LGR5: variants seen among roughly 807,000 people sequenced by gnomAD.
LGR5 encodes the protein leucine rich repeat containing G protein-coupled receptor 5, also known as leucine-rich repeat-containing G protein-coupled receptor 5.
LGR5 carries 54 observed loss-of-function variants against 76.7 expected under a neutral mutation model. The observed-to-expected ratio is 0.70, with a 90% CI of 0.57 to 0.88. LGR5 has a LOEUF of 0.88. LGR5 is among the 40% of genes least tolerant of loss of function. The pLI, the probability that LGR5 is intolerant of heterozygous loss-of-function variation, is 0.00. For synonymous variants in LGR5, 406 were observed against 421.9 expected (o/e 0.96, Z 0.46); for missense variants, 1,078 against 1,073.3 (o/e 1.00, Z -0.06).
intron 4 of LGR5, among the ~76,000 whole-genome samples, chr12:71,540,410 C>T (rs1053623794): frequency 2.6e-5 from 4 of 152,256 alleles, no homozygotes; most frequent in Admixed American, 6.5e-5. Context: ...TTATTATTGT[C>T]TCTATTCTCC....
rs749628288 is a variant in LGR5, at chr12:71,524,388, C to T, written c.285-18C>T. On this transcript the variant is annotated intron_variant, in intron 2 of 17. Transcript: ENST00000266674. ...AAGAGGTATGCTCACTCTCTCTCCT[C>T]TCCATTGAAACCCACAGACGTCTTG... The T allele has an allele frequency of 1.9e-5, 30 of 1,597,296 alleles. No individual in the cohort carries two copies. The highest frequency in any genetic ancestry group is 4.0e-5 in the African/African-American group (3 of 74,442).
chr12:71,516,621 C>T (rs746205001), intron 2 of LGR5, among the ~76,000 whole-genome samples: 15 of 151,950 alleles, frequency 9.9e-5, no homozygotes, highest in Non-Finnish European at 1.9e-4. Context: ...AAGGAAGCTA[C>T]AAAATATAAA....
At chr12:71,466,588 G>A (rs1244147829) in intron 1 of LGR5, among the ~76,000 whole-genome samples, 3 of 151,522 alleles carry the variant, frequency 2.0e-5, no homozygotes, top group South Asian at 2.1e-4. Context: ...GATTCTTCAC[G>A]ATCATACTAT....
At chr12:71,448,054 C>T (rs1872087111) in intron 1 of LGR5, among the ~76,000 whole-genome samples, 1 of 150,600 alleles carries the variant, frequency 6.6e-6, no homozygotes, top group Non-Finnish European at 1.5e-5. Context: ...TTATTTCCCC[C>T]TTCCTCCTCG....
chr12:71,550,655 G>T (rs932901300), intron 4 of LGR5, among the ~76,000 whole-genome samples: 2 of 151,486 alleles, frequency 1.3e-5, no homozygotes, highest in Non-Finnish European at 2.9e-5. Flanking sequence ...ATAGAAATGG[G>T]GTTTCTCCAT....
chr12:71,439,378 T>G (rs533829723), upstream of LGR5, among the ~76,000 whole-genome samples: 3 of 152,300 alleles, frequency 2.0e-5, no homozygotes, highest in East Asian at 5.8e-4. Flanking sequence ...TTTATTCTGT[T>G]TAATCACTTC....
intron 17 of LGR5, among the ~76,000 whole-genome samples, chr12:71,582,959 AG>A: frequency 7.0e-6 from 1 of 142,762 alleles, no homozygotes; most frequent in African/African-American, 2.5e-5. Flanking sequence ...GAAGGAAGGA[AG>A]GAAGAAAGGA....
At chr12:71,583,227 G>GA (rs1414159561) in intron 17 of LGR5, among the ~76,000 whole-genome samples, 2 of 152,172 alleles carry the variant, frequency 1.3e-5, no homozygotes, top group African/African-American at 4.8e-5. Flanking sequence ...AGATTTTCAT[G>GA]AAATTCACAT....
At chr12:71,463,019 A>C (rs1254770441) in intron 1 of LGR5, among the ~76,000 whole-genome samples, 4 of 152,144 alleles carry the variant, frequency 2.6e-5, no homozygotes, top group Admixed American at 1.3e-4. Context: ...TAGTATAAAA[A>C]CTTCAACTGT....
chr12:71,530,996 G>GAAAAAAAA (rs35134425), intron 3 of LGR5, among the ~76,000 whole-genome samples: 1 of 138,662 alleles, frequency 7.2e-6, no homozygotes, highest in East Asian at 2.1e-4. Flanking sequence ...GTCCTGTTGG[G>GAAAAAAAA]AAAAAAAAAA....
At chr12:71,520,480 T>C (rs761202475) in intron 2 of LGR5, among the ~76,000 whole-genome samples, 2 of 152,276 alleles carry the variant, frequency 1.3e-5, no homozygotes, top group Admixed American at 6.5e-5. Context: ...ATAGTGGTGA[T>C]GGTTAGACTA....
At chr12:71,532,843 G>A (rs1876392133) in intron 3 of LGR5, among the ~76,000 whole-genome samples, 1 of 151,406 alleles carries the variant, frequency 6.6e-6, no homozygotes, top group Non-Finnish European at 1.5e-5. Flanking sequence ...AGAGTAGGTA[G>A]GACTATAAGT....
intron 13 of LGR5, among the ~76,000 whole-genome samples, chr12:71,573,913 T>TAAAAA (rs3070200): frequency 2.7e-5 from 4 of 147,568 alleles, no homozygotes; most frequent in Middle Eastern, 7.0e-3. Context: ...TGCTTTTACT[T>TAAAAA]AAAAAAAAAA....
intron 1 of LGR5, among the ~76,000 whole-genome samples, chr12:71,479,438 C>CA (rs2137257007): frequency 6.6e-6 from 1 of 152,310 alleles, no homozygotes; most frequent in East Asian, 1.9e-4. Context: ...AACAACGTGC[C>CA]AAATGCTGTT....
chr12:71,542,423 G>A (rs1876926113), intron 4 of LGR5, among the ~76,000 whole-genome samples: 1 of 152,140 alleles, frequency 6.6e-6, no homozygotes, highest in Non-Finnish European at 1.5e-5. Flanking sequence ...AGATATTTGG[G>A]ACATGTCAAG....
chr12:71,540,398 C>A (rs537546807), intron 4 of LGR5, among the ~76,000 whole-genome samples: 8 of 152,148 alleles, frequency 5.3e-5, no homozygotes, highest in Non-Finnish European at 1.2e-4. Flanking sequence ...TTAAACATAT[C>A]TTTATTATTG....
intron 1 of LGR5, among the ~76,000 whole-genome samples, chr12:71,453,184 C>T (rs1872319313): frequency 1.3e-5 from 2 of 152,166 alleles, no homozygotes; most frequent in African/African-American, 2.4e-5. Context: ...TTTGGCATCA[C>T]CCAACAACTG....
chr12:71,462,556 C>T (rs1406178842), intron 1 of LGR5, among the ~76,000 whole-genome samples: 1 of 152,124 alleles, frequency 6.6e-6, no homozygotes, highest in Non-Finnish European at 1.5e-5. Context: ...AAAAGTCCTT[C>T]CTGCAAGCTC....
In LGR5 at chr12:71,566,821, T is replaced by C. The variant is rs1345542739; in HGVS notation, c.999-20T>C. ...GTGATGCCTGAATGAAAGAATTATGTCTGGTTTGTGTTTTAACAGGACTTT... is the reference window on the plus strand; with the variant it reads ...GTGATGCCTGAATGAAAGAATTATGCCTGGTTTGTGTTTTAACAGGACTTT... On this transcript the variant is annotated intron_variant, in intron 10 of 17. Coordinates refer to ENST00000266674, the MANE Select transcript of LGR5 (RefSeq NM_003667.4). 4 of 1,609,170 alleles carry C rather than the reference T, an allele frequency of 2.5e-6. No homozygotes were observed. The highest frequency in any genetic ancestry group is 3.3e-5 in the Admixed American group (2 of 59,982).
Sources: gnomAD v4.1 joint callset for allele counts (sites outside exome capture counted in the v4.1 genomes callset) on GRCh38, gnomAD v4.1.1 for gene constraint, MANE v1.5 for transcripts, NCBI Gene and HGNC (gene_info 2026-07-23, HGNC 2026-07-21) for gene names.